The following UTP20 variants were observed in gnomAD, a reference collection of about 807,000 sequenced individuals.
UTP20 encodes small subunit processome component 20 homolog.
A neutral mutation model predicts 329.5 loss-of-function variants in UTP20; 164 were observed. That is an observed-to-expected ratio of 0.50 (90% CI 0.44 to 0.57). The LOEUF (loss-of-function observed/expected upper bound fraction) is 0.57, where lower values mean the gene tolerates loss of function less well. UTP20 is among the 20% of genes least tolerant of loss of function. The pLI is 0.00. For missense variants in UTP20, 3,055 were observed against 3,284.2 expected (o/e 0.93, Z 1.71); for synonymous variants, 1,151 against 1,159.3 (o/e 0.99, Z 0.14).
In UTP20 at chr12:101,329,404, C is replaced by T. The variant is rs772851103; in HGVS notation, c.3372C>T (p.Leu1124=). The T allele has an allele frequency of 9.9e-6, 16 of 1,613,948 alleles. No individual in the cohort carries two copies. Among genetic ancestry groups the T allele is most frequent in the Non-Finnish European group, 1.7e-6 (2 of 1,179,982 alleles). ...TGCCGAAGATTTTGCAGATACTGCT[C>T]TGTATGACAGCAACCGTATCACACA... is the stretch of plus-strand genomic sequence containing the variant. ...AYLPKILQIL[L]CMTATVSHIL... The change falls in exon 27 of 62, where the codon CTC becomes CTT. Residue 1124 remains leucine, a synonymous_variant. Coordinates refer to ENST00000261637, the MANE Select transcript of UTP20 (RefSeq NM_014503.3).
At chr12:101,324,766 T>A (rs1446395845) in intron 25 of UTP20, among the ~76,000 whole-genome samples, 2 of 152,240 alleles carry the variant, frequency 1.3e-5, no homozygotes, top group African/African-American at 4.8e-5. Context: ...TACTTTGATT[T>A]TCCCAAAGTA....
intron 12 of UTP20, among the ~76,000 whole-genome samples, chr12:101,298,730 A>G (rs959473480): frequency 1.3e-5 from 2 of 152,210 alleles, no homozygotes; most frequent in South Asian, 4.1e-4. Flanking sequence ...TAAAAAGACT[A>G]TATATATCAA....
intron 21 of UTP20, among the ~76,000 whole-genome samples, chr12:101,317,259 T>C (rs1872999823): frequency 6.6e-6 from 1 of 152,216 alleles, no homozygotes; most frequent in South Asian, 2.1e-4. Context: ...AACAGTGGAA[T>C]GGGCTATCTT....
At chr12:101,361,910 T>A in intron 43 of UTP20, 52 bp from the exon 44 acceptor site, 2 of 1,406,300 alleles carry the variant, frequency 1.4e-6, no homozygotes, top group Non-Finnish European at 2.0e-6. Flanking sequence ...TCTTATGTTT[T>A]CCTAGTGTGA....
Position 101,354,930 on chromosome 12 carries a change from A to G in UTP20, c.5206A>G (p.Asn1736Asp), listed in dbSNP as rs1363560163. 1.9e-6 allele frequency: 3 copies of G among 1,614,112 alleles called. No homozygotes were observed. The highest frequency in any genetic ancestry group is 1.7e-5 in the Admixed American group (1 of 60,010). ...KEYTCKSLSD[N>D]GQPGTPDPAD... Reference sequence around the variant, plus strand: ...ATATACATGCAAGAGTTTGTCAGACAACGGACAACCGGGAACCCCTGATCC... The same window carrying G: ...ATATACATGCAAGAGTTTGTCAGACGACGGACAACCGGGAACCCCTGATCC... The change falls in exon 41 of 62, where the codon AAC becomes GAC. Residue 1736 changes from asparagine to aspartate, a missense_variant. By Grantham distance (23) the Asn-to-Asp change is conservative. This residue lies in a region of UTP20 where 2,445 missense variants were observed against 2,575.5 expected (regional missense o/e 0.95). Transcript: ENST00000261637.
At chr12:101,346,716 A>G (rs1056286367) in intron 38 of UTP20, 128 bp downstream of exon 38, 11 of 958,480 alleles carry the variant, frequency 1.1e-5, no homozygotes, top group Non-Finnish European at 1.6e-5. Flanking sequence ...GAATAGTTCT[A>G]AAGTTCTTAG....
At chr12:101,385,362 G>GT in intron 60 of UTP20, among the ~76,000 whole-genome samples, 1 of 152,132 alleles carries the variant, frequency 6.6e-6, no homozygotes, top group Non-Finnish European at 1.5e-5. Context: ...AGCATTGCTG[G>GT]TTTCCCCATC....
At chr12:101,318,181 T>C (rs1352489805) in intron 22 of UTP20, among the ~76,000 whole-genome samples, 3 of 152,230 alleles carry the variant, frequency 2.0e-5, no homozygotes, top group African/African-American at 7.2e-5. Flanking sequence ...CTCTTTCTTA[T>C]TCTTTTAGTT....
intron 25 of UTP20, among the ~76,000 whole-genome samples, chr12:101,322,378 A>C (rs986313741): frequency 6.6e-6 from 1 of 152,226 alleles, no homozygotes. Context: ...GTTGAGATAC[A>C]GTAGAAATAT....
intron 29 of UTP20, among the ~76,000 whole-genome samples, chr12:101,335,650 G>A (rs953003918): frequency 3.3e-5 from 5 of 152,148 alleles, no homozygotes; most frequent in African/African-American, 1.2e-4. Context: ...ATTCAGTGAT[G>A]TTAAAATCAT....
intron 24 of UTP20, among the ~76,000 whole-genome samples, chr12:101,321,259 A>G (rs1318684258): frequency 6.6e-6 from 1 of 152,174 alleles, no homozygotes; most frequent in Non-Finnish European, 1.5e-5. Context: ...AGCTTTTTGT[A>G]TCATGCTTTT....
chr12:101,311,050 G>C (rs887532057), intron 19 of UTP20, among the ~76,000 whole-genome samples: 1 of 152,202 alleles, frequency 6.6e-6, no homozygotes, highest in Non-Finnish European at 1.5e-5. Flanking sequence ...CTGTCTTCCT[G>C]TTGGGTACCT....
At position 101,386,295 on chromosome 12, in the gene UTP20, A is replaced by C. The variant is rs1209478477; in HGVS notation, c.*172A>C. The C allele has an allele frequency of 3.7e-6, 2 of 546,378 alleles. No homozygotes were observed. The highest frequency in any genetic ancestry group is 3.1e-6 in the Non-Finnish European group (1 of 326,590). 33.8% of individuals were successfully genotyped at this position (546,378 alleles called of 1,614,324 possible). A position where few individuals can be genotyped will look rare whatever the true frequency, so the allele number is the denominator to read the frequency against. On this transcript the variant is annotated 3_prime_UTR_variant, in exon 62 of 62. Transcript: ENST00000261637. Reference sequence around the variant, plus strand: ...CGACATCACAGCTCACTGCAGCCTCAACCTGGGTTCAAGTGATCCTCTCAC... The same window carrying C: ...CGACATCACAGCTCACTGCAGCCTCCACCTGGGTTCAAGTGATCCTCTCAC...
intron 43 of UTP20, among the ~76,000 whole-genome samples, chr12:101,357,883 A>G (rs183018765): frequency 6.6e-6 from 1 of 152,210 alleles, no homozygotes; most frequent in Non-Finnish European, 1.5e-5. Flanking sequence ...GTTGTGAGAA[A>G]TGTAGGATTT....
intron 21 of UTP20, among the ~76,000 whole-genome samples, chr12:101,314,237 G>T (rs1050551699): frequency 6.6e-6 from 1 of 152,208 alleles, no homozygotes; most frequent in Non-Finnish European, 1.5e-5. Context: ...ACTCAGATGT[G>T]TCTGAAAAGT....
intron 40 of UTP20, 133 bp from the exon 41 acceptor site, chr12:101,354,699 T>C: frequency 2.2e-6 from 2 of 915,932 alleles, no homozygotes; most frequent in Non-Finnish European, 3.3e-6. Flanking sequence ...CCTCAGCACT[T>C]ACCTTGCCTG....
intron 2 of UTP20, 54 bp downstream of exon 2, chr12:101,281,250 T>G: frequency 6.8e-7 from 1 of 1,467,218 alleles, no homozygotes; most frequent in South Asian, 1.2e-5. Context: ...TTTTAGTTTC[T>G]TCTGTTAGTA....
At chr12:101,360,595 C>T (rs1593448495) in intron 43 of UTP20, among the ~76,000 whole-genome samples, 1 of 152,076 alleles carries the variant, frequency 6.6e-6, no homozygotes, top group East Asian at 1.9e-4. Flanking sequence ...AAAGCTGAGG[C>T]GGGCAGATCA....
In UTP20 at chr12:101,299,855, G is replaced by A; in HGVS notation, c.1586+18G>A. The A allele has an allele frequency of 6.2e-7, 1 of 1,601,330 alleles. No homozygotes were observed. On this transcript the variant is annotated intron_variant, in intron 13 of 61. Transcript: ENST00000261637. Reference sequence around the variant, plus strand: ...CATATTAGGTAAGAAAATAAGCTATGTTTAATTTTGAAAGAGATAACATGC... The same window carrying A: ...CATATTAGGTAAGAAAATAAGCTATATTTAATTTTGAAAGAGATAACATGC...
Sources: allele counts gnomAD v4.1 joint callset (sites outside exome capture counted in the v4.1 genomes callset), GRCh38; gene constraint gnomAD v4.1.1; regional missense constraint gnomAD v4.1.1; transcripts MANE v1.5; gene names NCBI Gene and HGNC (gene_info 2026-07-23, HGNC 2026-07-21).